The following ANKFN1 variants were observed in gnomAD, a reference collection of about 807,000 sequenced individuals.
The protein encoded by ANKFN1 is ankyrin repeat and fibronectin type-III domain-containing protein 1.
Under a neutral mutation model 108.7 loss-of-function variants are expected in ANKFN1, and 74 were observed. That is an observed-to-expected ratio of 0.68 (90% CI 0.56 to 0.83). The LOEUF (loss-of-function observed/expected upper bound fraction) is 0.83, where lower values mean the gene tolerates loss of function less well. Among genes scored for constraint, ANKFN1 ranks in the 40% least tolerant of loss-of-function variants. The probability of loss-of-function intolerance (pLI) is 0.00; values close to 1 mark genes in which losing one functional copy is unlikely to be tolerated. For missense variants in ANKFN1, 1,505 were observed against 1,382.3 expected (o/e 1.09, Z -1.41); for synonymous variants, 547 against 516.2 (o/e 1.06, Z -0.81).
At chr17:56,501,721 G>A (rs2051377524) in intron 20 of ANKFN1, among the ~76,000 whole-genome samples, 2 of 152,190 alleles carry the variant, frequency 1.3e-5, no homozygotes, top group Non-Finnish European at 2.9e-5. Flanking sequence ...AGAATAAGAA[G>A]AGGAGACTGT....
At chr17:56,132,322 C>G (rs1324109399) in intron 4 of ANKFN1, among the ~76,000 whole-genome samples, 1 of 152,200 alleles carries the variant, frequency 6.6e-6, no homozygotes, top group South Asian at 2.1e-4. Context: ...GATCTCAGGT[C>G]TGTTTGAGAC....
chr17:56,400,185 A>G (rs567574125), intron 8 of ANKFN1, among the ~76,000 whole-genome samples: 1 of 152,170 alleles, frequency 6.6e-6, no homozygotes, highest in South Asian at 2.1e-4. Flanking sequence ...TGGCTGTACT[A>G]GTTTACATTC....
chr17:56,210,005 T>C lies in ANKFN1; in HGVS notation c.-70-2593T>C, dbSNP rs552927355. 2.1e-3 allele frequency among the ~76,000 whole-genome samples: 322 copies of C among 152,284 alleles called. 2 individuals are homozygous for C. The highest frequency in any genetic ancestry group is 7.3e-3 in the African/African-American group (305 of 41,564). On this transcript the variant is annotated intron_variant, in intron 1 of 20. Transcript: ENST00000682825. The stretch of plus-strand genomic sequence containing the variant: ...GCTGCAAATGCCGTTAATTCATTCC[T>C]TTTCATGACTGAGTAGTATTCCATG...
chr17:56,231,854 C>A (rs1030503250), intron 3 of ANKFN1, among the ~76,000 whole-genome samples: 3 of 152,148 alleles, frequency 2.0e-5, no homozygotes, highest in Admixed American at 2.0e-4. Flanking sequence ...AATCATGGAA[C>A]TTTAATTTTG....
At chr17:56,481,103 A>T (rs2050686062) in intron 17 of ANKFN1, among the ~76,000 whole-genome samples, 1 of 151,690 alleles carries the variant, frequency 6.6e-6, no homozygotes, top group African/African-American at 2.4e-5. Context: ...AAAAAAAAAA[A>T]ATCAATGGCT....
At chr17:56,170,667 G>T (rs1253642252) in intron 1 of ANKFN1, among the ~76,000 whole-genome samples, 1 of 150,456 alleles carries the variant, frequency 6.6e-6, no homozygotes, top group Non-Finnish European at 1.5e-5. Flanking sequence ...GGAGGCTGAG[G>T]CAGGAGAATC....
At chr17:56,443,561 G>A (rs1359765382) in intron 10 of ANKFN1, among the ~76,000 whole-genome samples, 1 of 152,006 alleles carries the variant, frequency 6.6e-6, no homozygotes, top group Non-Finnish European at 1.5e-5. Flanking sequence ...ACATCGACCT[G>A]ATAAGAAAAT....
chr17:56,259,987 T>C (rs147447298), intron 3 of ANKFN1, among the ~76,000 whole-genome samples: 1 of 150,544 alleles, frequency 6.6e-6, no homozygotes, highest in East Asian at 2.0e-4. Flanking sequence ...TACTTGCACA[T>C]GCAATTTAGC....
rs149116432 is a variant in ANKFN1, at chr17:56,196,966, C to T, written c.-70-15632C>T. On this transcript the variant is annotated intron_variant, in intron 1 of 20. Coordinates refer to ENST00000682825, the MANE Select transcript of ANKFN1 (RefSeq NM_001370326.1). ...AAGTGTGTCTTGATTTGAATTGTGT[C>T]GGTATTTACTTCACTGACACAACTT... 9.2e-5 allele frequency among the ~76,000 whole-genome samples: 14 copies of T among 152,258 alleles called. No individual in the cohort carries two copies. In the East Asian group the frequency reaches 1.7e-3, roughly 19 times the overall value.
At chr17:56,466,707 A>T in intron 15 of ANKFN1, 136 bp downstream of exon 15, 1 of 711,434 alleles carries the variant, frequency 1.4e-6, no homozygotes, top group African/African-American at 1.8e-5. Flanking sequence ...TGTTGTTGCA[A>T]ATGCAGAAGC....
intron 18 of ANKFN1, among the ~76,000 whole-genome samples, chr17:56,488,439 A>T (rs372885444): frequency 9.2e-5 from 14 of 152,178 alleles, no homozygotes; most frequent in African/African-American, 3.1e-4. Context: ...GGGCCATAGG[A>T]AGGAGGAACA....
chr17:56,345,591 G>A (rs1247631497), intron 4 of ANKFN1, among the ~76,000 whole-genome samples: 3 of 152,110 alleles, frequency 2.0e-5, no homozygotes, highest in East Asian at 3.9e-4. Flanking sequence ...CATCCTAAAT[G>A]GCATGAGATG....
At chr17:56,439,945 A>G (rs2049044093) in intron 8 of ANKFN1, among the ~76,000 whole-genome samples, 1 of 152,160 alleles carries the variant, frequency 6.6e-6, no homozygotes, top group Non-Finnish European at 1.5e-5. Context: ...ACACATACAC[A>G]TACACACACA....
chr17:56,352,474 C>T (rs1166786202), intron 5 of ANKFN1, among the ~76,000 whole-genome samples: 1 of 152,146 alleles, frequency 6.6e-6, no homozygotes, highest in African/African-American at 2.4e-5. Context: ...AAAGACCAAG[C>T]AACTCTTGGT....
At chr17:56,506,154 C>G (rs55641575) in intron 20 of ANKFN1, among the ~76,000 whole-genome samples, 14,538 of 151,998 alleles carry the variant, frequency 0.096, 806 homozygotes, top group African/African-American at 0.15. Flanking sequence ...TGTTGGTGTG[C>G]TGCACCCATT....
At chr17:56,355,517 C>T (rs141709359) in intron 6 of ANKFN1, among the ~76,000 whole-genome samples, 1 of 152,100 alleles carries the variant, frequency 6.6e-6, no homozygotes, top group East Asian at 1.9e-4. Flanking sequence ...TATGCAGGAC[C>T]CTGAGACCAT....
At chr17:56,480,528 T>C (rs2050657639) in intron 16 of ANKFN1, 140 bp from the exon 17 acceptor site, 1 of 892,188 alleles carries the variant, frequency 1.1e-6, no homozygotes, top group African/African-American at 1.7e-5. Flanking sequence ...GGTGGCAAAA[T>C]GTTCAAATTT....
At chr17:56,097,920 A>G (rs1175694100) in intron 4 of ANKFN1, among the ~76,000 whole-genome samples, 1 of 152,180 alleles carries the variant, frequency 6.6e-6, no homozygotes, top group East Asian at 1.9e-4. Context: ...GCCCTCCAAA[A>G]ATATATCCAT....
intron 3 of ANKFN1, among the ~76,000 whole-genome samples, chr17:56,258,951 G>A (rs79301978): frequency 2.6e-5 from 4 of 151,630 alleles, no homozygotes; most frequent in African/African-American, 7.3e-5. Context: ...TAAATAAATG[G>A]AATTAAATGG....
Sources: allele counts gnomAD v4.1 joint callset (sites outside exome capture counted in the v4.1 genomes callset), GRCh38; gene constraint gnomAD v4.1.1; transcripts MANE v1.5; gene names NCBI Gene and HGNC (gene_info 2026-07-23, HGNC 2026-07-21).